SH3PXD2A: variants seen among roughly 807,000 people sequenced by gnomAD.
SH3PXD2A encodes the protein SH3 and PX domains 2A.
In SH3PXD2A, 32 loss-of-function variants were observed where a neutral mutation model predicts 115.2. That is an observed-to-expected ratio of 0.28 (90% CI 0.21 to 0.37). SH3PXD2A has a LOEUF of 0.37. Among genes scored for constraint, SH3PXD2A ranks in the 10% least tolerant of loss-of-function variants. The pLI, the probability that SH3PXD2A is intolerant of heterozygous loss-of-function variation, is 1.00. For missense variants in SH3PXD2A, 1,328 were observed against 1,498.7 expected (o/e 0.89, Z 1.88); for synonymous variants, 610 against 629.1 (o/e 0.97, Z 0.45).
rs114987798 is a variant in SH3PXD2A, at chr10:103,652,490, C to T, written c.604+8493G>A. 5.0e-3 allele frequency among the ~76,000 whole-genome samples: 765 copies of T among 152,240 alleles called. 6 individuals carry two copies. Among genetic ancestry groups the T allele is most frequent in the African/African-American group, 0.017 (708 of 41,536 alleles). The stretch of plus-strand genomic sequence containing the variant: ...GAGGGCAGCTATCCCCCACTCCCAC[C>T]GGAACAATTACAGAAAACCCAACTG... On this transcript the variant is annotated intron_variant, in intron 8 of 14. Coordinates refer to ENST00000369774, the MANE Select transcript of SH3PXD2A (RefSeq NM_001394015.1).
chr10:103,750,730 G>A (rs2038566839), intron 3 of SH3PXD2A, among the ~76,000 whole-genome samples: 1 of 152,234 alleles, frequency 6.6e-6, no homozygotes. Flanking sequence ...TGACTCCGGG[G>A]TCAATGCTCT....
At chr10:103,814,265 G>T (rs1459844105) in intron 1 of SH3PXD2A, among the ~76,000 whole-genome samples, 1 of 152,178 alleles carries the variant, frequency 6.6e-6, no homozygotes, top group African/African-American at 2.4e-5. Flanking sequence ...CCCACCCCAT[G>T]TCTGCAGGCC....
chr10:103,723,472 G>A (rs944122956), intron 5 of SH3PXD2A, among the ~76,000 whole-genome samples: 7 of 152,158 alleles, frequency 4.6e-5, no homozygotes, highest in African/African-American at 1.2e-4. Context: ...GGATGGAGTC[G>A]GGTCCTGGGT....
intron 5 of SH3PXD2A, among the ~76,000 whole-genome samples, chr10:103,702,366 G>A (rs1475221982): frequency 6.6e-6 from 1 of 152,214 alleles, no homozygotes; most frequent in Non-Finnish European, 1.5e-5. Context: ...CTTGTGATCA[G>A]GTGCCCCAAA....
chr10:103,698,453 C>T (rs1322694385), intron 5 of SH3PXD2A, among the ~76,000 whole-genome samples: 2 of 152,216 alleles, frequency 1.3e-5, no homozygotes, highest in Non-Finnish European at 2.9e-5. Context: ...TGCCTGTCTG[C>T]GGGGCCTACA....
intron 4 of SH3PXD2A, among the ~76,000 whole-genome samples, chr10:103,733,164 C>G (rs981800313): frequency 6.6e-6 from 1 of 152,054 alleles, no homozygotes; most frequent in Admixed American, 6.6e-5. Context: ...CAGTTTCCAT[C>G]TGTGCTAATC....
At chr10:103,688,912 G>C (rs909614032) in intron 6 of SH3PXD2A, among the ~76,000 whole-genome samples, 3 of 152,018 alleles carry the variant, frequency 2.0e-5, no homozygotes, top group African/African-American at 7.3e-5. Context: ...TGTTGCCCAG[G>C]CTGTAGTGCA....
chr10:103,649,278 A>G (rs2037083426), intron 8 of SH3PXD2A, among the ~76,000 whole-genome samples: 1 of 151,726 alleles, frequency 6.6e-6, no homozygotes, highest in African/African-American at 2.4e-5. Flanking sequence ...ACTCCTAATC[A>G]CCCCTCCATG....
chr10:103,791,184 T>A (rs935294078), intron 2 of SH3PXD2A, among the ~76,000 whole-genome samples: 1 of 152,230 alleles, frequency 6.6e-6, no homozygotes, highest in Non-Finnish European at 1.5e-5. Flanking sequence ...CCCCGCTGTA[T>A]GAAAATCCCA....
At chr10:103,675,636 T>G (rs1233489777) in intron 6 of SH3PXD2A, among the ~76,000 whole-genome samples, 1 of 152,218 alleles carries the variant, frequency 6.6e-6, no homozygotes, top group African/African-American at 2.4e-5. Context: ...TTATACCAGT[T>G]TCCACTTACT....
At chr10:103,690,573 C>T (rs866503033) in intron 6 of SH3PXD2A, among the ~76,000 whole-genome samples, 1 of 152,182 alleles carries the variant, frequency 6.6e-6, no homozygotes, top group Non-Finnish European at 1.5e-5. Context: ...AAGAGGCCTT[C>T]AACCAATTGG....
At chr10:103,734,787 A>G (rs966767591) in intron 4 of SH3PXD2A, among the ~76,000 whole-genome samples, 1 of 152,226 alleles carries the variant, frequency 6.6e-6, no homozygotes, top group Non-Finnish European at 1.5e-5. Flanking sequence ...TTAAAAAATA[A>G]AGCTTTTTCA....
intron 6 of SH3PXD2A, among the ~76,000 whole-genome samples, chr10:103,677,226 T>A (rs2037547422): frequency 6.6e-6 from 1 of 152,192 alleles, no homozygotes; most frequent in Non-Finnish European, 1.5e-5. Context: ...TTCGGGAGCA[T>A]CAACGGCCCC....
At chr10:103,638,346 A>G (rs2036898056) in intron 8 of SH3PXD2A, among the ~76,000 whole-genome samples, 1 of 151,882 alleles carries the variant, frequency 6.6e-6, no homozygotes, top group Non-Finnish European at 1.5e-5. Context: ...CCACCTTCCC[A>G]CTCAGCTCCA....
chr10:103,766,970 T>A, intron 3 of SH3PXD2A, 124 bp downstream of exon 3: 1 of 691,146 alleles, frequency 1.4e-6, no homozygotes, highest in Non-Finnish European at 2.6e-6. Context: ...GGGGAATTGT[T>A]CATATGCAGA....
chr10:103,636,227 T>C lies in SH3PXD2A; in HGVS notation c.605-9025A>G, dbSNP rs527627734. Among the ~76,000 whole-genome samples the C allele has an allele frequency of 1.9e-3, 293 of 151,906 alleles. 1 individual carries two copies. The highest frequency in any genetic ancestry group is 0.01 in the Middle Eastern group (3 of 294). On this transcript the variant is annotated intron_variant, in intron 8 of 14. Coordinates refer to ENST00000369774, the MANE Select transcript of SH3PXD2A (RefSeq NM_001394015.1). Reference sequence around the variant, plus strand: ...TTTGAGGCCAGCCTGGCCAACATAGTGAAACCCCGTCTCTACTGAAAATAC... The same window carrying C: ...TTTGAGGCCAGCCTGGCCAACATAGCGAAACCCCGTCTCTACTGAAAATAC...
intron 9 of SH3PXD2A, among the ~76,000 whole-genome samples, chr10:103,625,119 C>A (rs2036672363): frequency 6.6e-6 from 1 of 152,210 alleles, no homozygotes; most frequent in South Asian, 2.1e-4. Flanking sequence ...GGTCAAAATC[C>A]TGCCCAACCC....
At chr10:103,715,574 G>A (rs2038095826) in intron 5 of SH3PXD2A, among the ~76,000 whole-genome samples, 1 of 152,164 alleles carries the variant, frequency 6.6e-6, no homozygotes, top group Admixed American at 6.5e-5. Context: ...TGATCCACAC[G>A]CATCATCCCA....
At chr10:103,612,414 C>G (rs550170006) in intron 12 of SH3PXD2A, among the ~76,000 whole-genome samples, 8 of 152,288 alleles carry the variant, frequency 5.3e-5, no homozygotes, top group Admixed American at 5.2e-4. Flanking sequence ...ATAGGGCAGC[C>G]CTGCATATAG....
Sources: gnomAD v4.1 joint callset for allele counts (sites outside exome capture counted in the v4.1 genomes callset) on GRCh38, gnomAD v4.1.1 for gene constraint, MANE v1.5 for transcripts, NCBI Gene and HGNC (gene_info 2026-07-23, HGNC 2026-07-21) for gene names.